Variants in SHOC1 observed in about 807,000 individuals in gnomAD.
SHOC1 encodes the protein protein shortage in chiasmata 1 ortholog.
Under a neutral mutation model 179.2 loss-of-function variants are expected in SHOC1, and 136 were observed. The observed-to-expected ratio is 0.76, with a 90% CI of 0.66 to 0.87. The LOEUF is 0.87. Ranked by LOEUF, SHOC1 falls within the 40% of genes least tolerant of loss-of-function variation. The pLI, the probability that SHOC1 is intolerant of heterozygous loss-of-function variation, is 0.00. For synonymous variants in SHOC1, 489 were observed against 586.6 expected (o/e 0.83, Z 2.41); for missense variants, 1,538 against 1,700.8 (o/e 0.90, Z 1.68).
At chr9:111,781,526 C>T (rs903925094) in intron 3 of SHOC1, among the ~76,000 whole-genome samples, 3 of 152,108 alleles carry the variant, frequency 2.0e-5, no homozygotes, top group African/African-American at 7.2e-5. Context: ...AGTTCGAGAC[C>T]AGCCTGGCCA....
rs1410319107 is a variant in SHOC1 at position 111,707,906 on chromosome 9, A to G, written c.2507T>C (p.Leu836Pro). 1.9e-6 allele frequency: 3 copies of G among 1,580,440 alleles called. No homozygotes were observed. The African/African-American group carries it at 4.1e-5, about 22-fold the overall frequency. The change falls in exon 19 of 28, where the codon CTT becomes CCT. Residue 836 changes from leucine (L) to proline (P), a missense_variant. Transcript: ENST00000682961. ...NKIEGLTLTV[L>P]HSNERKDFLE... ...AAAATCTTTTCTTTCATTTGAATGA[A>G]GGACAGTCAGTGTTAAACCTGTTGG...
chr9:111,737,437 C>T (rs560976719), intron 12 of SHOC1, among the ~76,000 whole-genome samples: 19 of 152,270 alleles, frequency 1.2e-4, no homozygotes, highest in African/African-American at 2.6e-4. Flanking sequence ...GAGGCTGAGG[C>T]GGGCAGATCA....
At chr9:111,732,799 G>A (rs1833642988) in intron 12 of SHOC1, among the ~76,000 whole-genome samples, 1 of 152,154 alleles carries the variant, frequency 6.6e-6, no homozygotes, top group Non-Finnish European at 1.5e-5. Flanking sequence ...GAGAATGACT[G>A]CAAAGGGGCA....
chr9:111,721,580 T>A (rs549407911), intron 15 of SHOC1, among the ~76,000 whole-genome samples: 5 of 152,184 alleles, frequency 3.3e-5, no homozygotes. Flanking sequence ...CCTCAGATGA[T>A]CCACCCGCCT....
intron 16 of SHOC1, 54 bp downstream of exon 16, chr9:111,718,130 T>C (rs1472525235): frequency 5.4e-6 from 7 of 1,292,062 alleles, no homozygotes; most frequent in East Asian, 4.9e-5. Context: ...GTAAGTTATT[T>C]CAGATGAAAT....
chr9:111,750,031 T>C (rs892795633), intron 8 of SHOC1, among the ~76,000 whole-genome samples: 3 of 152,110 alleles, frequency 2.0e-5, no homozygotes, highest in Non-Finnish European at 2.9e-5. Flanking sequence ...TTCCTTTGGG[T>C]ATATATATAC....
chr9:111,737,698 C>CCA (rs1491553770), intron 12 of SHOC1, among the ~76,000 whole-genome samples: 1 of 144,352 alleles, frequency 6.9e-6, no homozygotes, highest in Non-Finnish European at 1.5e-5. Context: ...ACCCCCCCCC[C>CCA]CACACACAAA....
At chr9:111,741,627 A>G (rs1027370100) in intron 10 of SHOC1, 57 bp from the exon 11 acceptor site, 7 of 924,026 alleles carry the variant, frequency 7.6e-6, no homozygotes, top group Non-Finnish European at 1.1e-5. Context: ...TTGTATAATA[A>G]AATTTTATTT....
In SHOC1 at chr9:111,703,861, TA is replaced by T. The variant is rs1785983767; in HGVS notation, c.2967+19del. 2 of 1,259,928 alleles carry T rather than the reference TA, an allele frequency of 1.6e-6. No individual in the cohort carries two copies. The highest frequency in any genetic ancestry group is 3.0e-5 in the African/African-American group (2 of 67,280). The allele number at this position is 1,259,928 out of a possible 1,614,324, so 78.0% of individuals were successfully genotyped here. A position where few individuals can be genotyped will look rare whatever the true frequency, so the allele number is the denominator to read the frequency against. On this transcript the variant is annotated intron_variant, in intron 22 of 27. Transcript: ENST00000682961. ...ATATTTTAGTCTATTTTAGTTTATA[TA>T]TTTTCTACCTAGTTTTACCTGCAAA...
At chr9:111,776,044 T>C in intron 4 of SHOC1, 69 bp from the exon 5 acceptor site, 1 of 1,195,706 alleles carries the variant, frequency 8.4e-7, no homozygotes, top group Non-Finnish European at 1.2e-6. Flanking sequence ...GTAGATAATA[T>C]ATGTCCACTG....
At chr9:111,775,447 A>T (rs926130420) in intron 5 of SHOC1, among the ~76,000 whole-genome samples, 1 of 152,210 alleles carries the variant, frequency 6.6e-6, no homozygotes. Context: ...ACTAAAATAT[A>T]ATCATCACTT....
intron 10 of SHOC1, among the ~76,000 whole-genome samples, chr9:111,742,494 G>A (rs1390307306): frequency 6.6e-6 from 1 of 152,060 alleles, no homozygotes. Flanking sequence ...TACTCGGGGG[G>A]AGAAGGGAGA....
intron 24 of SHOC1, among the ~76,000 whole-genome samples, chr9:111,697,417 C>T (rs1442861316): frequency 2.0e-5 from 3 of 152,104 alleles, no homozygotes; most frequent in Non-Finnish European, 2.9e-5. Context: ...GTTCAATTCC[C>T]ACCTATGAGT....
intron 5 of SHOC1, among the ~76,000 whole-genome samples, chr9:111,765,761 T>A (rs761750180): frequency 6.6e-6 from 1 of 152,042 alleles, no homozygotes; most frequent in Non-Finnish European, 1.5e-5. Flanking sequence ...TCACCCAGGC[T>A]AGAGTGCAGT....
In SHOC1 at chr9:111,786,025, C is replaced by CTAACCACA; in HGVS notation, c.48_55dup (p.Arg19MetfsTer28). On this transcript the variant is annotated frameshift_variant, in exon 3 of 28. Transcript: ENST00000682961. LOFTEE classifies it high-confidence loss of function. The stretch of plus-strand genomic sequence containing the variant: ...TAAAGCATCTCTGTAAAACTTCTTT[C>CTAACCACA]TAACCACATTCTGTGGAAGAAAGAA... The CTAACCACA allele has an allele frequency of 6.7e-7, 1 of 1,493,306 alleles. No individual in the cohort carries two copies. Among genetic ancestry groups the CTAACCACA allele is most frequent in the Non-Finnish European group, 8.9e-7 (1 of 1,123,782 alleles). The allele number at this position is 1,493,306 out of a possible 1,614,324, so 92.5% of individuals were successfully genotyped here. A position where few individuals can be genotyped will look rare whatever the true frequency, so the allele number is the denominator to read the frequency against.
chr9:111,720,671 C>T (rs1028433402), intron 15 of SHOC1, among the ~76,000 whole-genome samples: 2 of 152,070 alleles, frequency 1.3e-5, no homozygotes, highest in Non-Finnish European at 2.9e-5. Flanking sequence ...ACAGTTTTTG[C>T]AGAGTGATTG....
chr9:111,697,810 G>A (rs1275648692), intron 24 of SHOC1, among the ~76,000 whole-genome samples: 3 of 152,112 alleles, frequency 2.0e-5, no homozygotes, highest in African/African-American at 4.8e-5. Flanking sequence ...TCCCACCAAC[G>A]GTGTAAAAGT....
rs1003160978 is a variant in SHOC1 at position 111,785,956 on chromosome 9, T to C, written c.125A>G (p.His42Arg). ...PSCLYQDESY[H>R]VAVTDNKFRR... The stretch of plus-strand genomic sequence containing the variant: ...AAATTTATTATCAGTAACTGCTACA[T>C]GGTAACTTTCATCTTGATATAAACA... The change falls in exon 3 of 28, where the codon CAT (histidine) becomes CGT (arginine). Residue 42 changes from histidine to arginine, a missense_variant. His to Arg is a conservative substitution (Grantham distance 29). Transcript: ENST00000682961. 4 of 1,527,684 alleles carry C rather than the reference T, an allele frequency of 2.6e-6. No homozygotes were observed. The highest frequency in any genetic ancestry group is 3.5e-6 in the Non-Finnish European group (4 of 1,137,786). 94.6% of individuals were successfully genotyped at this position (1,527,684 alleles called of 1,614,324 possible). A position where few individuals can be genotyped will look rare whatever the true frequency, so the allele number is the denominator to read the frequency against.
chr9:111,709,803 G>A (rs1371839528), intron 18 of SHOC1, among the ~76,000 whole-genome samples: 1 of 152,126 alleles, frequency 6.6e-6, no homozygotes, highest in Admixed American at 6.5e-5. Flanking sequence ...AAATGCTTGA[G>A]GGGATGGAGG....
Sources: gnomAD v4.1 joint callset for allele counts (sites outside exome capture counted in the v4.1 genomes callset) on GRCh38, gnomAD v4.1.1 for gene constraint, MANE v1.5 for transcripts, NCBI Gene and HGNC (gene_info 2026-07-23, HGNC 2026-07-21) for gene names.